The following NTRK2 variants were observed in gnomAD, a reference collection of about 807,000 sequenced individuals.
The protein encoded by NTRK2 is BDNF/NT-3 growth factors receptor.
A neutral mutation model predicts 94.5 loss-of-function variants in NTRK2; 13 were observed. The ratio of observed to expected loss-of-function variants is 0.14; its 90% CI spans 0.09 to 0.22. NTRK2 has a LOEUF of 0.22. Ranked by LOEUF, NTRK2 falls within the 10% of genes least tolerant of loss-of-function variation. The probability of loss-of-function intolerance (pLI) is 1.00; values close to 1 mark genes in which losing one functional copy is unlikely to be tolerated. For missense variants in NTRK2, 639 were observed against 1,071.2 expected, an observed-to-expected ratio of 0.60 and a Z score of 5.63; for synonymous variants, 372 against 407.4, an observed-to-expected ratio of 0.91 and a Z score of 1.05.
chr9:84,944,329 G>C (rs919476372), intron 15 of NTRK2, among the ~76,000 whole-genome samples: 3 of 148,082 alleles, frequency 2.0e-5, no homozygotes, highest in Non-Finnish European at 4.4e-5. Context: ...GTGGCGTGCT[G>C]TCTGCTCACT....
At chr9:84,691,853 G>A (rs1010048789) in intron 2 of NTRK2, among the ~76,000 whole-genome samples, 2 of 152,158 alleles carry the variant, frequency 1.3e-5, no homozygotes, top group Non-Finnish European at 2.9e-5. Context: ...TTAGGCTCCC[G>A]TGGTGCCTCC....
intron 12 of NTRK2, chr9:84,814,481 G>C: frequency 9.4e-7 from 1 of 1,065,730 alleles, no homozygotes; most frequent in Non-Finnish European, 1.1e-6. Flanking sequence ...CTGACCCCAT[G>C]ACCAACTGAG....
rs371196726 is a variant in NTRK2 at position 85,021,233 on chromosome 9, A to G, written c.2332-19A>G. The G allele has an allele frequency of 6.2e-7, 1 of 1,612,058 alleles. No individual in the cohort carries two copies. Among genetic ancestry groups the G allele is most frequent in the Non-Finnish European group, 8.5e-7 (1 of 1,178,488 alleles). On this transcript the variant is annotated intron_variant, in intron 18 of 18. Transcript: ENST00000277120. ...ATTGCTTTTCCTCCTGTCTCATCCT[A>G]TCTTTGATCTCCATCCAGGTGATAG...
intron 16 of NTRK2, among the ~76,000 whole-genome samples, chr9:84,950,616 G>A (rs1204584640): frequency 6.6e-6 from 1 of 151,196 alleles, no homozygotes; most frequent in Non-Finnish European, 1.5e-5. Context: ...AATTTAGCTA[G>A]TCCTCATTTT....
intron 6 of NTRK2, among the ~76,000 whole-genome samples, chr9:84,714,885 A>G (rs1417552253): frequency 6.6e-6 from 1 of 152,180 alleles, no homozygotes; most frequent in African/African-American, 2.4e-5. Context: ...TGTGTGTGTC[A>G]TCTTTGTAAA....
At chr9:84,819,608 T>G (rs2072653563) in intron 12 of NTRK2, among the ~76,000 whole-genome samples, 1 of 152,232 alleles carries the variant, frequency 6.6e-6, no homozygotes, top group Non-Finnish European at 1.5e-5. Context: ...TCAGGGTGTC[T>G]GACCCATGGG....
rs903152387 is a variant in NTRK2 at position 84,816,087 on chromosome 9, C to T, written c.1397-44953C>T. 3.3e-5 allele frequency among the ~76,000 whole-genome samples: 5 copies of T among 151,754 alleles called. No individual in the cohort carries two copies. In the East Asian group the frequency reaches 9.7e-4, roughly 29 times the overall value. ...TTTAAAAATTTGAAATGACCCAGGT[C>T]ACAATAAGAGAGTATACTCAATGCT... is the stretch of plus-strand genomic sequence containing the variant. On this transcript the variant is annotated intron_variant, in intron 12 of 18. Coordinates refer to ENST00000277120, the MANE Select transcript of NTRK2 (RefSeq NM_006180.6).
At chr9:84,725,282 AAATCATCAGCTGT>A (rs1242279690) in intron 8 of NTRK2, among the ~76,000 whole-genome samples, 1 of 152,224 alleles carries the variant, frequency 6.6e-6, no homozygotes, top group African/African-American at 2.4e-5. Flanking sequence ...TGAATGATTG[AAATCATCAGCTGT>A]AATCCTTTAT....
At chr9:84,855,583 T>G (rs200640155) in intron 12 of NTRK2, among the ~76,000 whole-genome samples, 1 of 123,174 alleles carries the variant, frequency 8.1e-6, no homozygotes, top group Admixed American at 8.1e-5. Context: ...TCAAGCATAT[T>G]TTTTTTTTTT....
intron 2 of NTRK2, among the ~76,000 whole-genome samples, chr9:84,688,882 G>A (rs1307593393): frequency 1.3e-5 from 2 of 152,192 alleles, no homozygotes; most frequent in African/African-American, 4.8e-5. Context: ...TTGTGTAGGG[G>A]AGTGATTCCT....
chr9:84,924,267 G>GAAAT (rs2077676793), intron 14 of NTRK2, among the ~76,000 whole-genome samples: 1 of 151,122 alleles, frequency 6.6e-6, no homozygotes, highest in African/African-American at 2.4e-5. Context: ...AAGAAAGAAA[G>GAAAT]AAAGAAAGAA....
chr9:84,835,673 A>G (rs777100924), intron 12 of NTRK2, among the ~76,000 whole-genome samples: 1 of 152,204 alleles, frequency 6.6e-6, no homozygotes, highest in African/African-American at 2.4e-5. Context: ...TCTCAAAATC[A>G]TTGCTGAAGA....
intron 12 of NTRK2, among the ~76,000 whole-genome samples, chr9:84,772,028 C>G (rs889970918): frequency 2.0e-5 from 3 of 152,136 alleles, no homozygotes; most frequent in Non-Finnish European, 2.9e-5. Context: ...CTATGTTCTT[C>G]TTCTGTGACT....
intron 8 of NTRK2, among the ~76,000 whole-genome samples, chr9:84,726,998 T>C (rs2062510189): frequency 6.6e-6 from 1 of 152,214 alleles, no homozygotes; most frequent in South Asian, 2.1e-4. Context: ...TTAAAAGATC[T>C]AAACATTGGC....
intron 13 of NTRK2, among the ~76,000 whole-genome samples, chr9:84,862,597 T>C (rs781774102): frequency 6.6e-6 from 1 of 152,144 alleles, no homozygotes; most frequent in Non-Finnish European, 1.5e-5. Flanking sequence ...TTATAAAACA[T>C]AGGTTTCATT....
At chr9:84,836,733 G>T (rs2073893324) in intron 12 of NTRK2, among the ~76,000 whole-genome samples, 1 of 148,888 alleles carries the variant, frequency 6.7e-6, no homozygotes, top group Non-Finnish European at 1.5e-5. Context: ...CACCTCCGCT[G>T]GGGCCTTGGG....
Position 84,741,986 on chromosome 9 carries a change from T to C in NTRK2, c.1195+59T>C, listed in dbSNP as rs1050577663. The C allele has an allele frequency of 2.0e-5, 28 of 1,414,126 alleles. 1 individual carries two copies. In the Middle Eastern group the frequency reaches 4.3e-3, roughly 215 times the overall value. The allele number at this position is 1,414,126 out of a possible 1,614,324, so 87.6% of individuals were successfully genotyped here. A position where few individuals can be genotyped will look rare whatever the true frequency, so the allele number is the denominator to read the frequency against. ...TTCAAAATGTTTGTGTATCATGAAG[T>C]AAATCAACTGAAAGAAGACTCTTCT... is the stretch of plus-strand genomic sequence containing the variant. On this transcript the variant is annotated intron_variant, in intron 10 of 18. Coordinates refer to ENST00000277120, the MANE Select transcript of NTRK2 (RefSeq NM_006180.6).
intron 11 of NTRK2, among the ~76,000 whole-genome samples, chr9:84,746,736 G>A (rs2064115891): frequency 6.6e-6 from 1 of 151,974 alleles, no homozygotes; most frequent in Non-Finnish European, 1.5e-5. Flanking sequence ...CTTTGTACTT[G>A]TGGCTCCCCA....
At chr9:84,746,151 A>C (rs948698342) in intron 11 of NTRK2, among the ~76,000 whole-genome samples, 1 of 152,166 alleles carries the variant, frequency 6.6e-6, no homozygotes, top group African/African-American at 2.4e-5. Context: ...TCAGGCTAAG[A>C]ATGGTTTCTA....
Sources: gnomAD v4.1 joint callset for allele counts (sites outside exome capture counted in the v4.1 genomes callset) on GRCh38, gnomAD v4.1.1 for gene constraint, MANE v1.5 for transcripts, NCBI Gene and HGNC (gene_info 2026-07-23, HGNC 2026-07-21) for gene names.